DNAH3: variants seen among roughly 807,000 people sequenced by gnomAD.
DNAH3 encodes the protein axonemal beta dynein heavy chain 3.
Under a neutral mutation model 432.5 loss-of-function variants are expected in DNAH3, and 332 were observed. That is an observed-to-expected ratio of 0.77 (90% confidence interval 0.70 to 0.84). The LOEUF is 0.84. Among genes scored for constraint, DNAH3 ranks in the 40% least tolerant of loss-of-function variants. DNAH3 has a pLI of 0.00. For missense variants in DNAH3, 4,861 were observed against 5,114.0 expected, an observed-to-expected ratio of 0.95 and a Z score of 1.51; for synonymous variants, 1,956 against 1,900.2, an observed-to-expected ratio of 1.03 and a Z score of -0.76.
intron 43 of DNAH3, 81 bp downstream of exon 43, chr16:21,000,139 AGTGG>A (rs2152690248): frequency 7.1e-7 from 1 of 1,414,704 alleles, no homozygotes; most frequent in East Asian, 2.3e-5. Flanking sequence ...AGGTATGTAC[AGTGG>A]CACCACAAGC....
intron 53 of DNAH3, among the ~76,000 whole-genome samples, chr16:20,959,656 C>CACA (rs1491362775): frequency 6.9e-6 from 1 of 145,694 alleles, no homozygotes; most frequent in Non-Finnish European, 1.5e-5. Flanking sequence ...CACACACACA[C>CACA]CCCAACACAA....
At chr16:21,076,721 T>C (rs1358029484) in intron 20 of DNAH3, among the ~76,000 whole-genome samples, 3 of 152,082 alleles carry the variant, frequency 2.0e-5, no homozygotes, top group Admixed American at 2.0e-4. Flanking sequence ...TTTTTTTTCA[T>C]ATTGTTCTGT....
chr16:21,001,910 A>G, intron 42 of DNAH3, among the ~76,000 whole-genome samples: 1 of 152,214 alleles, frequency 6.6e-6, no homozygotes, highest in East Asian at 1.9e-4. Flanking sequence ...AGAACTGAAG[A>G]TATTTTCTTC....
intron 31 of DNAH3, among the ~76,000 whole-genome samples, chr16:21,047,962 G>C (rs1597236480): frequency 6.6e-6 from 1 of 151,988 alleles, no homozygotes. Context: ...GCCCCTGCTG[G>C]GGGGTGCCTC....
chr16:21,002,607 A>G (rs1430966241), intron 42 of DNAH3, among the ~76,000 whole-genome samples: 1 of 152,014 alleles, frequency 6.6e-6, no homozygotes, highest in African/African-American at 2.4e-5. Flanking sequence ...GATTACAGGC[A>G]TGCGCCACCA....
chr16:20,949,585 T>C (rs1484536461), intron 56 of DNAH3, among the ~76,000 whole-genome samples: 1 of 152,184 alleles, frequency 6.6e-6, no homozygotes, highest in Non-Finnish European at 1.5e-5. Flanking sequence ...CTGGGGGTCT[T>C]GGAACATATC....
intron 6 of DNAH3, among the ~76,000 whole-genome samples, chr16:21,135,935 A>T (rs1411123591): frequency 6.7e-6 from 1 of 149,534 alleles, no homozygotes; most frequent in Non-Finnish European, 1.5e-5. Context: ...CCCCAGGTTC[A>T]GATCTACTGA....
chr16:20,973,971 C>T (rs2085461077), intron 51 of DNAH3, among the ~76,000 whole-genome samples: 1 of 152,066 alleles, frequency 6.6e-6, no homozygotes, highest in Admixed American at 6.6e-5. Flanking sequence ...GGCCAGAGTA[C>T]AGGGAATGAA....
intron 49 of DNAH3, among the ~76,000 whole-genome samples, chr16:20,979,950 ATGT>A (rs1362218925): frequency 2.0e-5 from 3 of 151,830 alleles, no homozygotes; most frequent in African/African-American, 7.2e-5. Context: ...GAGTTTCACC[ATGT>A]TGGTCAGGCT....
intron 31 of DNAH3, among the ~76,000 whole-genome samples, chr16:21,048,807 C>T (rs1035184187): frequency 1.5e-4 from 23 of 151,920 alleles, no homozygotes; most frequent in African/African-American, 5.6e-4. Context: ...CATTCTCCTG[C>T]TTCAGCCTCC....
exon 61 of DNAH3, chr16:20,935,452 A>C (rs1369890884): frequency 1.2e-6 from 2 of 1,611,734 alleles, no homozygotes; most frequent in Non-Finnish European, 1.7e-6. Flanking sequence ...CCAGAGATCC[A>C]AAATACCACA....
chr16:20,950,011 T>G (rs2084241052), intron 56 of DNAH3, among the ~76,000 whole-genome samples: 1 of 152,110 alleles, frequency 6.6e-6, no homozygotes, highest in Non-Finnish European at 1.5e-5. Flanking sequence ...TCACTTCTAT[T>G]TATTATTATT....
At chr16:20,969,910 G>C (rs201684846) in exon 52 of DNAH3, 1 of 1,614,140 alleles carries the variant, frequency 6.2e-7, no homozygotes, top group South Asian at 1.1e-5. Flanking sequence ...GCGAGATGTC[G>C]GCCGGGTTCA....
Position 20,941,373 on chromosome 16 carries a change from A to G in DNAH3, c.11654+28T>C, listed in dbSNP as rs374704173. 7 of 1,612,750 alleles carry G rather than the reference A, an allele frequency of 4.3e-6. No individual in the cohort carries two copies. In the Admixed American group the frequency reaches 6.7e-5, roughly 15 times the overall value. On this transcript the variant is annotated intron_variant, in intron 59 of 61. Transcript: ENST00000261383. The stretch of plus-strand genomic sequence containing the variant: ...TCCTACTCCTCACGTTCCAACTCCC[A>G]GGATTCAAGCTACATCATCTGGCCC...
intron 48 of DNAH3, among the ~76,000 whole-genome samples, chr16:20,983,952 A>G (rs1164089949): frequency 6.6e-6 from 1 of 150,418 alleles, no homozygotes; most frequent in African/African-American, 2.4e-5. Context: ...ACTTGAGCCC[A>G]GGAAGTTGAG....
At position 20,964,127 on chromosome 16, in the gene DNAH3, T is replaced by TGTTAC; in HGVS notation, c.9752_9756dup (p.Ile3253ValfsTer32). ...TTGATGGCGGTTTCATCCTCCAGGA[T>TGTTAC]GTTACCCTTGGACATGGAGAGAACC... On this transcript the variant is annotated frameshift_variant, in exon 53 of 62. Coordinates refer to ENST00000261383, the Ensembl canonical transcript of DNAH3. LOFTEE classifies it high-confidence loss of function. The TGTTAC allele has an allele frequency of 6.2e-7, 1 of 1,614,230 alleles. No individual in the cohort carries two copies. Among genetic ancestry groups the TGTTAC allele is most frequent in the Non-Finnish European group, 8.5e-7 (1 of 1,180,052 alleles).
chr16:21,152,832 C>T (rs1280197680), intron 1 of DNAH3, among the ~76,000 whole-genome samples: 3 of 152,250 alleles, frequency 2.0e-5, no homozygotes, highest in Admixed American at 1.3e-4. Context: ...GCTGCCTTCC[C>T]GCGGGGCAGG....
At chr16:21,000,636 G>C in intron 42 of DNAH3, 118 bp from the exon 43 acceptor site, 1 of 921,710 alleles carries the variant, frequency 1.1e-6, no homozygotes, top group Non-Finnish European at 1.6e-6. Flanking sequence ...TATGACCTTA[G>C]GCGAGTCTTT....
At chr16:21,074,951 C>T (rs2545889) in intron 21 of DNAH3, among the ~76,000 whole-genome samples, 33,190 of 151,996 alleles carry the variant, frequency 0.22, 3,801 homozygotes, top group East Asian at 0.46. Context: ...GAAACCTACA[C>T]CCTTACTATT....
Sources: gnomAD v4.1 joint callset for allele counts (sites outside exome capture counted in the v4.1 genomes callset) on GRCh38, gnomAD v4.1.1 for gene constraint, MANE v1.5 for transcripts, NCBI Gene and HGNC (gene_info 2026-07-23, HGNC 2026-07-21) for gene names.